DEUP1: variants seen among roughly 807,000 people sequenced by gnomAD.
DEUP1 encodes the protein deuterosome assembly protein 1, also known as coiled-coil domain containing 67.
DEUP1 carries 82 observed loss-of-function variants against 87.4 expected under a neutral mutation model. That is an observed-to-expected ratio of 0.94 (90% CI 0.78 to 1.13). The LOEUF (loss-of-function observed/expected upper bound fraction) is 1.13, where lower values mean the gene tolerates loss of function less well. Ranked by LOEUF, DEUP1 falls within the 50% of genes most tolerant of loss-of-function variation. The pLI is 0.00. For synonymous variants in DEUP1, 214 were observed against 222.7 expected, an observed-to-expected ratio of 0.96 and a Z score of 0.35; for missense variants, 663 against 681.5, an observed-to-expected ratio of 0.97 and a Z score of 0.30.
chr11:93,426,994 T>TAAAAAAAAAAA (rs1157644297), intron 13 of DEUP1, among the ~76,000 whole-genome samples: 3 of 2,910 alleles, frequency 1.0e-3, no homozygotes, highest in African/African-American at 1.5e-3. Flanking sequence ...TAGAGTATAA[T>TAAAAAAAAAAA]AAAAAAAAAA....
chr11:93,353,674 C>T (rs1944744392), intron 2 of DEUP1, among the ~76,000 whole-genome samples: 1 of 152,250 alleles, frequency 6.6e-6, no homozygotes, highest in Non-Finnish European at 1.5e-5. Context: ...GACTTCTGTG[C>T]ACCTGAAGGT....
chr11:93,352,584 A>C (rs1041289643), intron 2 of DEUP1: 1 of 594,422 alleles, frequency 1.7e-6, no homozygotes, highest in African/African-American at 1.8e-5. Flanking sequence ...TGCCTGCCTT[A>C]GTTTGTTTTC....
intron 13 of DEUP1, among the ~76,000 whole-genome samples, chr11:93,419,330 C>G (rs1276902358): frequency 1.3e-5 from 2 of 152,144 alleles, no homozygotes; most frequent in East Asian, 3.9e-4. Flanking sequence ...CCTTCCAGAA[C>G]AGGCAAGAAT....
At chr11:93,341,704 AG>A (rs1350034650) in intron 2 of DEUP1, among the ~76,000 whole-genome samples, 3 of 152,302 alleles carry the variant, frequency 2.0e-5, no homozygotes, top group Non-Finnish European at 4.4e-5. Flanking sequence ...CCCGGATGAC[AG>A]AGTAAGACCC....
chr11:93,350,838 C>T (rs566039677), intron 2 of DEUP1, among the ~76,000 whole-genome samples: 1 of 151,878 alleles, frequency 6.6e-6, no homozygotes, highest in Non-Finnish European at 1.5e-5. Context: ...TGCCTGTAGT[C>T]CCAGCTACTC....
intron 7 of DEUP1, among the ~76,000 whole-genome samples, chr11:93,371,953 G>A (rs1353871512): frequency 6.8e-6 from 1 of 147,770 alleles, no homozygotes; most frequent in East Asian, 2.0e-4. Context: ...TTTTGAGACG[G>A]AGTCTCGCTC....
chr11:93,431,467 A>G (rs889139398), intron 13 of DEUP1, among the ~76,000 whole-genome samples: 1 of 152,200 alleles, frequency 6.6e-6, no homozygotes, highest in South Asian at 2.1e-4. Flanking sequence ...ACAGTAGGTC[A>G]TGGGAAGGAG....
intron 7 of DEUP1, among the ~76,000 whole-genome samples, chr11:93,385,120 G>A (rs886959964): frequency 1.3e-5 from 2 of 152,086 alleles, no homozygotes; most frequent in Non-Finnish European, 2.9e-5. Flanking sequence ...TACTCAGGAG[G>A]TTAAGGCAGG....
chr11:93,337,719 A>C (rs985108917), intron 2 of DEUP1, among the ~76,000 whole-genome samples: 6 of 152,208 alleles, frequency 3.9e-5, no homozygotes, highest in African/African-American at 1.4e-4. Context: ...TGTTTTTGAA[A>C]GGAAGGAAAG....
intron 9 of DEUP1, among the ~76,000 whole-genome samples, chr11:93,392,236 A>ACCCC (rs1290604699): frequency 6.6e-6 from 1 of 152,084 alleles, no homozygotes; most frequent in Non-Finnish European, 1.5e-5. Flanking sequence ...GTAGGTGTCA[A>ACCCC]CCCCTAAAAC....
At chr11:93,401,851 A>G (rs1045386363) in intron 11 of DEUP1, among the ~76,000 whole-genome samples, 1 of 152,080 alleles carries the variant, frequency 6.6e-6, no homozygotes, top group African/African-American at 2.4e-5. Context: ...AACAAAAATC[A>G]AATAAAAATT....
At chr11:93,389,209 C>T (rs1483060139) in intron 9 of DEUP1, 84 bp downstream of exon 9, 1 of 754,796 alleles carries the variant, frequency 1.3e-6, no homozygotes, top group Non-Finnish European at 2.2e-6. Context: ...TCTTTCTTCT[C>T]ACTCCCTTTG....
At chr11:93,331,557 A>G (rs1259248241) in intron 1 of DEUP1, among the ~76,000 whole-genome samples, 1 of 152,170 alleles carries the variant, frequency 6.6e-6, no homozygotes, top group Non-Finnish European at 1.5e-5. Context: ...ATGTACTCAA[A>G]TAAAGGCACA....
intron 4 of DEUP1, among the ~76,000 whole-genome samples, chr11:93,363,288 T>A (rs117145326): frequency 0.011 from 1,726 of 151,970 alleles, 22 homozygotes; most frequent in South Asian, 0.075. Context: ...CAGAATAGTC[T>A]ATATCTAGAT....
At chr11:93,412,871 T>G (rs1947480008) in intron 12 of DEUP1, among the ~76,000 whole-genome samples, 1 of 152,152 alleles carries the variant, frequency 6.6e-6, no homozygotes, top group South Asian at 2.1e-4. Context: ...TTTAATTTGC[T>G]GTTCTGTTTC....
At chr11:93,401,946 C>G (rs907538373) in intron 11 of DEUP1, among the ~76,000 whole-genome samples, 3 of 151,770 alleles carry the variant, frequency 2.0e-5, no homozygotes, top group African/African-American at 4.8e-5. Flanking sequence ...TTAGTCTGAG[C>G]AAAGATTTTT....
At chr11:93,341,865 G>A (rs1481901838) in intron 2 of DEUP1, among the ~76,000 whole-genome samples, 1 of 152,166 alleles carries the variant, frequency 6.6e-6, no homozygotes, top group Non-Finnish European at 1.5e-5. Context: ...CAAAGTGTTG[G>A]CAGGATTGCC....
At chr11:93,354,938 C>G (rs1944820823) in intron 2 of DEUP1, among the ~76,000 whole-genome samples, 1 of 152,126 alleles carries the variant, frequency 6.6e-6, no homozygotes, top group African/African-American at 2.4e-5. Flanking sequence ...CATACTATAG[C>G]CCAGTTGGTA....
At chr11:93,350,924 C>T (rs963175180) in intron 2 of DEUP1, among the ~76,000 whole-genome samples, 9 of 150,606 alleles carry the variant, frequency 6.0e-5, no homozygotes, top group East Asian at 1.9e-4. Flanking sequence ...CCACTGCCCT[C>T]GAGCCTGGGC....
Sources: gnomAD v4.1 joint callset for allele counts (sites outside exome capture counted in the v4.1 genomes callset) on GRCh38, gnomAD v4.1.1 for gene constraint, MANE v1.5 for transcripts, NCBI Gene and HGNC (gene_info 2026-07-23, HGNC 2026-07-21) for gene names.